Variants in COLQ observed in about 807,000 individuals in gnomAD.
COLQ encodes collagen like tail subunit of asymmetric acetylcholinesterase, also known as acetylcholinesterase collagenic tail peptide.
In COLQ, 48 loss-of-function variants were observed where a neutral mutation model predicts 69.0. The ratio of observed to expected loss-of-function variants is 0.70; its 90% CI spans 0.55 to 0.88. The LOEUF (loss-of-function observed/expected upper bound fraction) is 0.88. Ranked by LOEUF, COLQ falls within the 40% of genes least tolerant of loss-of-function variation. COLQ has a pLI of 0.00. For synonymous variants in COLQ, 217 were observed against 211.2 expected (o/e 1.03, Z -0.24); for missense variants, 618 against 594.6 (o/e 1.04, Z -0.41).
Position 15,456,916 on chromosome 3 carries a change from G to A in COLQ, c.955-337C>T, listed in dbSNP as rs528699979. Among the ~76,000 whole-genome samples, 219 of 151,876 alleles carry A rather than the reference G, an allele frequency of 1.4e-3. 1 individual carries two copies. Among genetic ancestry groups the A allele is most frequent in the South Asian group, 2.1e-3 (10 of 4,810 alleles). On this transcript the variant is annotated intron_variant, in intron 13 of 16. Transcript: ENST00000383788. ...CGGCTCATTGCAACCTCTGCCTCCC[G>A]GGTTCAAGCAATTCTCCTGCCTCAG...
At chr3:15,464,003 G>A (rs11927793) in intron 12 of COLQ, among the ~76,000 whole-genome samples, 4,346 of 152,280 alleles carry the variant, frequency 0.029, 190 homozygotes, top group African/African-American at 0.097. Flanking sequence ...ATTTCAAGGA[G>A]GTAGCAAGAG....
chr3:15,456,210 C>T (rs1356317263), intron 14 of COLQ, among the ~76,000 whole-genome samples, 191 bp from the exon 15 acceptor site: 2 of 149,204 alleles, frequency 1.3e-5, no homozygotes, highest in Admixed American at 6.6e-5. Flanking sequence ...CAGATCAAGA[C>T]AGCAACCTGG....
chr3:15,489,372 C>T (rs558280025), intron 2 of COLQ, among the ~76,000 whole-genome samples, 153 bp downstream of exon 2: 7 of 152,248 alleles, frequency 4.6e-5, no homozygotes, highest in Non-Finnish European at 7.4e-5. Context: ...ATGTCCATTC[C>T]GGGGCTCAAC....
intron 1 of COLQ, among the ~76,000 whole-genome samples, chr3:15,490,458 T>C (rs1171358495): frequency 6.6e-6 from 1 of 152,252 alleles, no homozygotes; most frequent in Non-Finnish European, 1.5e-5. Flanking sequence ...CCATCCTGAA[T>C]TCTAACACCA....
chr3:15,458,389 A>T (rs2062056848), intron 12 of COLQ, 64 bp from the exon 13 acceptor site: 31 of 1,588,242 alleles, frequency 2.0e-5, no homozygotes, highest in Non-Finnish European at 2.7e-5. Flanking sequence ...AACCAGGGAG[A>T]TGTGAGCGAC....
intron 5 of COLQ, among the ~76,000 whole-genome samples, chr3:15,478,406 C>G (rs997820509): frequency 3.3e-5 from 5 of 152,156 alleles, no homozygotes; most frequent in Non-Finnish European, 7.3e-5. Flanking sequence ...TAACCAAGAC[C>G]TAGAAATTCA....
intron 12 of COLQ, among the ~76,000 whole-genome samples, chr3:15,462,263 C>T (rs1018962755): frequency 3.3e-5 from 5 of 152,130 alleles, no homozygotes; most frequent in African/African-American, 1.2e-4. Context: ...CTTCTGACCT[C>T]AAGTGATCCG....
At position 15,461,194 on chromosome 3, in the gene COLQ, C is replaced by G. The variant is rs111409119; in HGVS notation, c.815-2869G>C. Reference sequence around the variant, plus strand: ...TAAAGGCATTTTGCCTTTATTCCCCCCCCGACCTCTTAGCCCCTCTTACCC... The same window carrying G: ...TAAAGGCATTTTGCCTTTATTCCCCGCCCGACCTCTTAGCCCCTCTTACCC... On this transcript the variant is annotated intron_variant, in intron 12 of 16. Coordinates refer to ENST00000383788, the MANE Select transcript of COLQ (RefSeq NM_005677.4). Among the ~76,000 whole-genome samples, 4 of 135,192 alleles carry G rather than the reference C, an allele frequency of 3.0e-5. No homozygotes were observed. In the East Asian group the frequency reaches 9.6e-4, roughly 32 times the overall value. The allele number at this position is 135,192 out of a possible 152,430, so 88.7% of individuals were successfully genotyped here. A position where few individuals can be genotyped will look rare whatever the true frequency, so the allele number is the denominator to read the frequency against.
At chr3:15,480,228 AC>A (rs1207442037) in intron 3 of COLQ, among the ~76,000 whole-genome samples, 1 of 152,188 alleles carries the variant, frequency 6.6e-6, no homozygotes, top group Non-Finnish European at 1.5e-5. Flanking sequence ...CATGTGCACA[AC>A]GTGCAGATTT....
intron 11 of COLQ, among the ~76,000 whole-genome samples, chr3:15,467,290 T>G (rs1384644816): frequency 1.3e-5 from 2 of 152,368 alleles, no homozygotes; most frequent in East Asian, 3.9e-4. Flanking sequence ...AGGTAACTCA[T>G]GTCATTGCTT....
chr3:15,498,449 C>T (rs2062781034), intron 1 of COLQ: 1 of 1,498,606 alleles, frequency 6.7e-7, no homozygotes, highest in Non-Finnish European at 9.0e-7. Flanking sequence ...AGTCTTTTTT[C>T]CAAAACAATG....
chr3:15,498,579 G>A (rs1252985492), intron 1 of COLQ: 1 of 1,551,968 alleles, frequency 6.4e-7, no homozygotes, highest in African/African-American at 1.4e-5. Flanking sequence ...TGAATGATGA[G>A]CCCGTCATTG....
At chr3:15,480,789 A>G (rs1031274758) in intron 3 of COLQ, among the ~76,000 whole-genome samples, 2 of 152,206 alleles carry the variant, frequency 1.3e-5, no homozygotes, top group East Asian at 1.9e-4. Context: ...CTAGTTTACA[A>G]TCCCACCAAC....
Position 15,479,395 on chromosome 3 carries a change from G to A in COLQ, c.322-13C>T. ...GCCCCGGTGGACCCTAATCAATCAA[G>A]ATAAAAAGTGAAGAAAGTATATATC... On this transcript the variant is annotated splice_polypyrimidine_tract_variant and intron_variant, in intron 3 of 16. Transcript: ENST00000383788. 6.2e-7 allele frequency: 1 copy of A among 1,613,780 alleles called. No individual in the cohort carries two copies. The highest frequency in any genetic ancestry group is 8.5e-7 in the Non-Finnish European group (1 of 1,179,676).
intron 1 of COLQ, among the ~76,000 whole-genome samples, chr3:15,494,793 C>T (rs1400545808): frequency 1.3e-5 from 2 of 152,140 alleles, no homozygotes; most frequent in African/African-American, 4.8e-5. Context: ...TCTGGGAGAG[C>T]AGGAGCCAGC....
intron 3 of COLQ, among the ~76,000 whole-genome samples, chr3:15,484,303 G>A (rs2062538804): frequency 6.6e-6 from 1 of 152,212 alleles, no homozygotes; most frequent in East Asian, 1.9e-4. Flanking sequence ...TTTCTTCATG[G>A]TGTTGATGGT....
chr3:15,506,029 C>T (rs1489994141), intron 1 of COLQ, among the ~76,000 whole-genome samples: 1 of 152,212 alleles, frequency 6.6e-6, no homozygotes, highest in Non-Finnish European at 1.5e-5. Context: ...CCCATGGCTG[C>T]CCACTGGCAC....
Position 15,456,460 on chromosome 3 carries a change from C to G in COLQ, c.1074G>C (p.Gln358His). The change falls in exon 14 of 17, where the codon CAG becomes CAC. Residue 358 changes from glutamine (Q) to histidine (H), a missense_variant and splice_region_variant. Gln to His is a conservative substitution (Grantham distance 24). Transcript: ENST00000383788. ...FKDSLGWLPI[Q>H]LTPFYPVDYT... ...TCCTGAGGTAATGGCCTGGGGGTAC[C>G]TGGATGGGGAGCCAGCCAAGGCTGT... The G allele has an allele frequency of 6.2e-7, 1 of 1,614,036 alleles. No individual in the cohort carries two copies. The highest frequency in any genetic ancestry group is 8.5e-7 in the Non-Finnish European group (1 of 1,180,018).
chr3:15,459,667 C>T (rs2062077654), intron 12 of COLQ, among the ~76,000 whole-genome samples: 1 of 151,784 alleles, frequency 6.6e-6, no homozygotes, highest in Non-Finnish European at 1.5e-5. Context: ...TTAGTAGAGA[C>T]AGGGTTTCAC....
Sources: allele counts gnomAD v4.1 joint callset (sites outside exome capture counted in the v4.1 genomes callset), GRCh38; gene constraint gnomAD v4.1.1; transcripts MANE v1.5; gene names NCBI Gene and HGNC (gene_info 2026-07-23, HGNC 2026-07-21).